ATP2B1: variants seen among roughly 807,000 people sequenced by gnomAD.
ATP2B1 encodes plasma membrane calcium-transporting ATPase 1.
In ATP2B1, 14 loss-of-function variants were observed where a neutral mutation model predicts 124.2. That is an observed-to-expected ratio of 0.11 (90% CI 0.07 to 0.18). The LOEUF (loss-of-function observed/expected upper bound fraction) is 0.18, where lower values mean the gene tolerates loss of function less well. Ranked by LOEUF, ATP2B1 falls within the 10% of genes least tolerant of loss-of-function variation. The pLI is 1.00. For missense variants in ATP2B1, 763 were observed against 1,466.1 expected (o/e 0.52, Z 7.83); for synonymous variants, 449 against 492.4 (o/e 0.91, Z 1.17).
intron 3 of ATP2B1, among the ~76,000 whole-genome samples, chr12:89,638,821 C>T (rs377482245): frequency 1.2e-3 from 177 of 152,138 alleles, no homozygotes; most frequent in African/African-American, 4.0e-3. Context: ...TTAATATATC[C>T]ATCACCTCAT....
intron 1 of ATP2B1, among the ~76,000 whole-genome samples, chr12:89,659,357 A>AACACAC (rs10648843): frequency 0.14 from 20,958 of 149,242 alleles, 1,673 homozygotes; most frequent in South Asian, 0.32. Context: ...GGTATTACAA[A>AACACAC]ACACACACAC....
Position 89,603,357 on chromosome 12 carries a change from T to C in ATP2B1, c.2849-103A>G. The C allele has an allele frequency of 1.0e-6, 1 of 973,674 alleles. No individual in the cohort carries two copies. The allele number at this position is 973,674 out of a possible 1,614,324, so 60.3% of individuals were successfully genotyped here. On this transcript the variant is annotated intron_variant, in intron 17 of 20. Transcript: ENST00000428670. The surrounding 1 kb of genome is among the most constrained non-coding windows in gnomAD (Gnocchi z 4.3). The stretch of plus-strand genomic sequence containing the variant: ...GCTAGACCTTTTATTTGATCTGAAA[T>C]GGCAGCATGGAAGGAGCTAGAGAAA...
chr12:89,609,272 C>T (rs1877545838), intron 15 of ATP2B1, among the ~76,000 whole-genome samples: 1 of 152,122 alleles, frequency 6.6e-6, no homozygotes. Flanking sequence ...AATATTCACA[C>T]TAAGTAGGAC....
chr12:89,640,988 A>C (rs922987214), intron 3 of ATP2B1, among the ~76,000 whole-genome samples: 3 of 152,350 alleles, frequency 2.0e-5, no homozygotes, highest in African/African-American at 4.8e-5. Flanking sequence ...AGACTAACAT[A>C]ATTACCTTAC....
intron 1 of ATP2B1, among the ~76,000 whole-genome samples, chr12:89,697,100 A>G (rs1891232707): frequency 6.6e-6 from 1 of 151,826 alleles, no homozygotes; most frequent in East Asian, 1.9e-4. Flanking sequence ...AGTAATTCAA[A>G]TATCAAGTTC....
chr12:89,605,414 G>C (rs1876645718), intron 15 of ATP2B1, among the ~76,000 whole-genome samples: 1 of 152,084 alleles, frequency 6.6e-6, no homozygotes, highest in African/African-American at 2.4e-5. Flanking sequence ...ATTATCAAGA[G>C]TGACATCATT....
Position 89,620,259 on chromosome 12 carries a change from T to C in ATP2B1, c.1588-19A>G, listed in dbSNP as rs770377637. The C allele has an allele frequency of 1.2e-6, 2 of 1,610,488 alleles. No individual in the cohort carries two copies. The highest frequency in any genetic ancestry group is 3.3e-5 in the Admixed American group (2 of 59,810). On this transcript the variant is annotated intron_variant, in intron 10 of 20. Transcript: ENST00000428670. ...CTGGTGGCTATAAGAGAAAAACATT[T>C]AGTAGCTAGTATCTCGTTTCTCTAA...
rs916817123 is a variant in ATP2B1, at chr12:89,708,738, G to A, written c.-364C>T. 5.3e-5 allele frequency: 8 copies of A among 152,058 alleles called. No homozygotes were observed. Among genetic ancestry groups the A allele is most frequent in the African/African-American group, 1.9e-4 (8 of 41,416 alleles). 9.4% of individuals were successfully genotyped at this position (152,058 alleles called of 1,614,324 possible). On this transcript the variant is annotated 5_prime_UTR_variant, in exon 1 of 21. Coordinates refer to ENST00000428670, the MANE Select transcript of ATP2B1 (RefSeq NM_001366521.1). ...TCCGCAGCCGGCTCGCAGGGCTCGG[G>A]GCGCCACGCGGAGGTGCAGCTGCAC...
intron 3 of ATP2B1, 51 bp from the exon 4 acceptor site, chr12:89,635,302 A>C (rs1263684603): frequency 1.3e-6 from 2 of 1,570,402 alleles, no homozygotes; most frequent in African/African-American, 2.7e-5. Flanking sequence ...AATTGATGAC[A>C]ACATACATAT....
intron 12 of ATP2B1, 148 bp from the exon 13 acceptor site, chr12:89,611,520 T>A (rs1366243577): frequency 1.7e-6 from 1 of 587,884 alleles, no homozygotes; most frequent in Non-Finnish European, 2.6e-6. Flanking sequence ...TCATTTCCAA[T>A]ACTCAACATT....
chr12:89,610,293 G>T, intron 14 of ATP2B1, 128 bp downstream of exon 14: 1 of 871,498 alleles, frequency 1.1e-6, no homozygotes, highest in Non-Finnish European at 1.8e-6. Flanking sequence ...CAAAGGAAAT[G>T]TATTTAGATT....
intron 3 of ATP2B1, among the ~76,000 whole-genome samples, chr12:89,635,583 G>C (rs1882565944): frequency 6.6e-6 from 1 of 152,136 alleles, no homozygotes; most frequent in African/African-American, 2.4e-5. Flanking sequence ...GATACCACCA[G>C]CTATTCCAGA....
chr12:89,610,316 A>G, intron 14 of ATP2B1, 105 bp downstream of exon 14: 1 of 980,610 alleles, frequency 1.0e-6, no homozygotes, highest in Non-Finnish European at 1.6e-6. Flanking sequence ...ATTAAAACAG[A>G]TGATATCCAT....
chr12:89,639,194 G>A (rs934031612), intron 3 of ATP2B1, among the ~76,000 whole-genome samples: 1 of 152,104 alleles, frequency 6.6e-6, no homozygotes, highest in Non-Finnish European at 1.5e-5. Flanking sequence ...TACATGTAGT[G>A]TACTAATAAT....
At chr12:89,618,384 G>C (rs1879374154) in intron 11 of ATP2B1, among the ~76,000 whole-genome samples, 2 of 152,304 alleles carry the variant, frequency 1.3e-5, no homozygotes, top group Middle Eastern at 6.8e-3. Context: ...TCTCAGATGA[G>C]AAAAATGGAA....
chr12:89,605,855 C>T (rs1031941479), intron 15 of ATP2B1, among the ~76,000 whole-genome samples: 1 of 152,124 alleles, frequency 6.6e-6, no homozygotes, highest in African/African-American at 2.4e-5. Context: ...TGCTGAGAGA[C>T]GTATCTCTTA....
chr12:89,667,038 A>G (rs2136474667), intron 1 of ATP2B1, among the ~76,000 whole-genome samples: 1 of 152,278 alleles, frequency 6.6e-6, no homozygotes, highest in South Asian at 2.1e-4. Flanking sequence ...TTGATAACCC[A>G]TCAGGCTATT....
chr12:89,593,031 T>C (rs892658351), intron 20 of ATP2B1, among the ~76,000 whole-genome samples: 1 of 152,066 alleles, frequency 6.6e-6, no homozygotes, highest in African/African-American at 2.4e-5. Flanking sequence ...GTACTTCAGT[T>C]CCTTAATTTG....
chr12:89,692,872 T>C (rs1191312043), intron 1 of ATP2B1, among the ~76,000 whole-genome samples: 4 of 152,170 alleles, frequency 2.6e-5, no homozygotes, highest in Non-Finnish European at 5.9e-5. Context: ...ACCAGAAATA[T>C]GCCATAAGAA....
Sources: gnomAD v4.1 joint callset for allele counts (sites outside exome capture counted in the v4.1 genomes callset) on GRCh38, gnomAD v4.1.1 for gene constraint, Gnocchi (gnomAD v3.1) non-coding constraint, MANE v1.5 for transcripts, NCBI Gene and HGNC (gene_info 2026-07-23, HGNC 2026-07-21) for gene names.